The following FRRS1L variants were observed in gnomAD, a reference collection of about 807,000 sequenced individuals.
FRRS1L encodes the protein DOMON domain-containing protein FRRS1L.
FRRS1L carries 22 observed loss-of-function variants against 28.6 expected under a neutral mutation model. The observed-to-expected ratio is 0.77, with a 90% CI of 0.55 to 1.10. The LOEUF (loss-of-function observed/expected upper bound fraction) is 1.10, where lower values mean the gene tolerates loss of function less well. FRRS1L is among the 50% of genes least tolerant of loss of function. FRRS1L has a pLI of 0.00. For missense variants in FRRS1L, 380 were observed against 386.9 expected, an observed-to-expected ratio of 0.98 and a Z score of 0.15; for synonymous variants, 158 against 151.4, an observed-to-expected ratio of 1.04 and a Z score of -0.32.
intron 1 of FRRS1L, among the ~76,000 whole-genome samples, chr9:109,163,000 G>C (rs940847678): frequency 6.6e-6 from 1 of 152,160 alleles, no homozygotes; most frequent in African/African-American, 2.4e-5. Context: ...GGCTCCAAGG[G>C]TCAGGCGGTT....
At chr9:109,161,078 C>G (rs1435646494) in intron 1 of FRRS1L, among the ~76,000 whole-genome samples, 2 of 152,150 alleles carry the variant, frequency 1.3e-5, no homozygotes, top group East Asian at 3.9e-4. Flanking sequence ...GCCGCCTCAC[C>G]CGGCCTGAAG....
At position 109,137,101 on chromosome 9, in the gene FRRS1L, GT is replaced by G. The variant is rs2118458147; in HGVS notation, c.*353del. On this transcript the variant is annotated 3_prime_UTR_variant, in exon 5 of 5. Transcript: ENST00000561981. ...TTTCTATTTGTCATTTCTAGCCAAA[GT>G]TATATGGTATGTGGATCATAAAAAG... The G allele has an allele frequency of 6.4e-6, 1 of 157,334 alleles. No individual in the cohort carries two copies. Among genetic ancestry groups the G allele is most frequent in the South Asian group, 2.0e-4 (1 of 4,996 alleles). 9.7% of individuals were successfully genotyped at this position (157,334 alleles called of 1,614,324 possible).
At chr9:109,150,003 G>A (rs759769806) in intron 1 of FRRS1L, 26 of 285,646 alleles carry the variant, frequency 9.1e-5, no homozygotes, top group Non-Finnish European at 1.6e-4. Flanking sequence ...ATATAACCAC[G>A]GGCTTACCGC....
Position 109,149,664 on chromosome 9 carries a change from C to T in FRRS1L, c.295G>A (p.Asp99Asn), listed in dbSNP as rs141125474. ...VDPFAKIKVD[D>N]CGKTKGCFRY... ...AAGCATCCCTTAGTTTTTCCACAGT[C>T]GTCCACTTTGATTTTGGCAAATGGA... Residue 99 changes from aspartate (D) to asparagine (N), a missense_variant, in exon 2 of 5, where the codon GAC (aspartate) becomes AAC (asparagine). Asp to Asn is a conservative substitution (Grantham distance 23). Transcript: ENST00000561981. 100 of 1,613,288 alleles carry T rather than the reference C, an allele frequency of 6.2e-5. No individual in the cohort carries two copies. In the African/African-American group the frequency reaches 1.1e-3, roughly 18 times the overall value.
chr9:109,162,758 C>T (rs548282040), intron 1 of FRRS1L, among the ~76,000 whole-genome samples: 7 of 152,126 alleles, frequency 4.6e-5, no homozygotes, highest in South Asian at 2.1e-4. Flanking sequence ...ATCCACATAC[C>T]GTCCAAGGTA....
At chr9:109,160,421 T>C (rs1483353423) in intron 1 of FRRS1L, among the ~76,000 whole-genome samples, 5 of 128,678 alleles carry the variant, frequency 3.9e-5, no homozygotes, top group African/African-American at 1.4e-4. Flanking sequence ...CTTTTATTTA[T>C]TTATTTTGAG....
rs1407249229 is a variant in FRRS1L, at chr9:109,147,187, T to C, written c.326A>G (p.Tyr109Cys). 1.9e-6 allele frequency: 3 copies of C among 1,612,326 alleles called. No individual in the cohort carries two copies. The highest frequency in any genetic ancestry group is 2.5e-6 in the Non-Finnish European group (3 of 1,178,680). Residue 109 changes from tyrosine (Y) to cysteine (C), a missense_variant and splice_region_variant, in exon 3 of 5, where the codon TAT (tyrosine) becomes TGT (cysteine). By Grantham distance (194) the Tyr-to-Cys change is radical. Coordinates refer to ENST00000561981, the MANE Select transcript of FRRS1L (RefSeq NM_014334.4). ...CTCTGCATTACAGCCTGGTTTGCCATATCTAGAAGAGATATCGAAAGAGAC... is the reference window on the plus strand; with the variant it reads ...CTCTGCATTACAGCCTGGTTTGCCACATCTAGAAGAGATATCGAAAGAGAC... ...DCGKTKGCFR[Y>C]GKPGCNAETC...
At chr9:109,157,069 C>T (rs532371998) in intron 1 of FRRS1L, among the ~76,000 whole-genome samples, 2 of 152,254 alleles carry the variant, frequency 1.3e-5, no homozygotes, top group African/African-American at 4.8e-5. Context: ...ACATGCAGTG[C>T]TTTGATGGTC....
Position 109,134,019 on chromosome 9 carries a change from T to C in FRRS1L, c.*3436A>G, listed in dbSNP as rs1280557799. The stretch of plus-strand genomic sequence containing the variant: ...ATTTCTGAAAAATGATTACTGTTAG[T>C]ACTGTTACTAAGGATGTTTCTATTT... On this transcript the variant is annotated 3_prime_UTR_variant, in exon 5 of 5. Coordinates refer to ENST00000561981, the MANE Select transcript of FRRS1L (RefSeq NM_014334.4). 1 of 152,226 alleles carries C rather than the reference T, an allele frequency of 6.6e-6. No homozygotes were observed. Among genetic ancestry groups the C allele is most frequent in the Non-Finnish European group, 1.5e-5 (1 of 68,030 alleles). 9.4% of individuals were successfully genotyped at this position (152,226 alleles called of 1,614,324 possible). A position where few individuals can be genotyped will look rare whatever the true frequency, so the allele number is the denominator to read the frequency against.
chr9:109,157,506 C>A (rs1386113936), intron 1 of FRRS1L, among the ~76,000 whole-genome samples: 1 of 152,180 alleles, frequency 6.6e-6, no homozygotes, highest in Non-Finnish European at 1.5e-5. Context: ...CCTGCCTCAG[C>A]ACCCTGAGCA....
intron 1 of FRRS1L, among the ~76,000 whole-genome samples, chr9:109,157,901 A>G (rs1344609962): frequency 6.6e-6 from 1 of 152,206 alleles, no homozygotes; most frequent in Non-Finnish European, 1.5e-5. Flanking sequence ...TGCCTAAAAT[A>G]TCATTTTCCA....
Position 109,132,942 on chromosome 9 carries a change from A to G in FRRS1L, c.*4513T>C, listed in dbSNP as rs1219733963. The G allele has an allele frequency of 6.6e-6, 1 of 152,258 alleles. No individual in the cohort carries two copies. Among genetic ancestry groups the G allele is most frequent in the East Asian group, 1.9e-4 (1 of 5,202 alleles). The allele number at this position is 152,258 out of a possible 1,614,324, so 9.4% of individuals were successfully genotyped here. On this transcript the variant is annotated 3_prime_UTR_variant, in exon 5 of 5. Transcript: ENST00000561981. ...AAGTTTGCTGACCCCTGGAGTAGAGATAAGAATGACACACAACCTCAGTGG... is the reference window on the plus strand; with the variant it reads ...AAGTTTGCTGACCCCTGGAGTAGAGGTAAGAATGACACACAACCTCAGTGG...
intron 1 of FRRS1L, among the ~76,000 whole-genome samples, chr9:109,163,170 GCATTTGCC>G (rs1831500344): frequency 1.3e-5 from 2 of 152,306 alleles, no homozygotes; most frequent in East Asian, 1.9e-4. Flanking sequence ...TCAGAAGTGA[GCATTTGCC>G]CATAATCAAA....
intron 1 of FRRS1L, chr9:109,151,158 CT>C (rs1199636450): frequency 3.3e-5 from 5 of 152,282 alleles, no homozygotes; most frequent in Admixed American, 2.0e-4. Flanking sequence ...AAGTACAATC[CT>C]AACTTTTTAC....
At chr9:109,138,906 AG>A (rs1359277471) in intron 4 of FRRS1L, 1 of 152,246 alleles carries the variant, frequency 6.6e-6, no homozygotes, top group African/African-American at 2.4e-5. Flanking sequence ...ATCAATTAAA[AG>A]GGCATTCAGG....
rs528385802 is a variant in FRRS1L at position 109,135,742 on chromosome 9, C to G, written c.*1713G>C. The G allele has an allele frequency of 6.6e-6, 1 of 151,804 alleles. No homozygotes were observed. The highest frequency in any genetic ancestry group is 1.5e-5 in the Non-Finnish European group (1 of 67,980). The allele number at this position is 151,804 out of a possible 1,614,324, so 9.4% of individuals were successfully genotyped here. A position where few individuals can be genotyped will look rare whatever the true frequency, so the allele number is the denominator to read the frequency against. ...CTGGGATTACAGGTGTGAGCCACCG[C>G]GCTCAGCCACAAGTCTGAACATTTA... On this transcript the variant is annotated 3_prime_UTR_variant, in exon 5 of 5. Coordinates refer to ENST00000561981, the MANE Select transcript of FRRS1L (RefSeq NM_014334.4).
At chr9:109,141,868 C>T (rs531601276) in intron 3 of FRRS1L, among the ~76,000 whole-genome samples, 1 of 150,630 alleles carries the variant, frequency 6.6e-6, no homozygotes, top group African/African-American at 2.4e-5. Flanking sequence ...ATCAGACAAA[C>T]TCAAACTGAA....
chr9:109,164,142 C>G (rs991662110), intron 1 of FRRS1L, among the ~76,000 whole-genome samples: 2 of 152,154 alleles, frequency 1.3e-5, no homozygotes, highest in African/African-American at 4.8e-5. Context: ...GGGATGAAGC[C>G]TAGGCCCAGG....
chr9:109,141,519 A>G lies in FRRS1L; in HGVS notation c.533T>C (p.Val178Ala), dbSNP rs148986846. The G allele has an allele frequency of 1.1e-3, 1,707 of 1,614,132 alleles. 3 individuals are homozygous for G. Among genetic ancestry groups the G allele is most frequent in the South Asian group, 1.8e-3 (167 of 91,068 alleles). Reference protein sequence around the residue: ...GRVRIQHFYNVGQWAKEIQRN... With the variant: ...GRVRIQHFYNAGQWAKEIQRN... ...CTGAATCTCCTTTGCCCACTGGCCT[A>G]CATTATAGAAGTGCTGTATGCGGAC... The change falls in exon 4 of 5, where the codon GTA (valine) becomes GCA (alanine). Residue 178 changes from valine (V) to alanine (A), a missense_variant. Transcript: ENST00000561981.
Sources: gnomAD v4.1 joint callset for allele counts (sites outside exome capture counted in the v4.1 genomes callset) on GRCh38, gnomAD v4.1.1 for gene constraint, MANE v1.5 for transcripts, NCBI Gene and HGNC (gene_info 2026-07-23, HGNC 2026-07-21) for gene names.